Variants in NME1 observed in about 807,000 individuals in gnomAD.
NME1 encodes the protein nucleoside diphosphate kinase A.
NME1 carries 9 observed loss-of-function variants against 17.2 expected under a neutral mutation model. The ratio of observed to expected loss-of-function variants is 0.52; its 90% CI spans 0.32 to 0.92. NME1 has a LOEUF of 0.92. Among genes scored for constraint, NME1 ranks in the 40% least tolerant of loss-of-function variants. NME1 has a pLI of 0.04. For missense variants in NME1, 169 were observed against 201.7 expected (o/e 0.84, Z 0.98); for synonymous variants, 72 against 70.8 (o/e 1.02, Z -0.09).
intron 2 of NME1, among the ~76,000 whole-genome samples, chr17:51,157,652 C>G (rs2049806295): frequency 6.6e-6 from 1 of 152,134 alleles, no homozygotes; most frequent in Non-Finnish European, 1.5e-5. Context: ...AGTCTTCATG[C>G]CAGCCTTGAG....
At chr17:51,157,445 C>G (rs1383224812) in intron 2 of NME1, among the ~76,000 whole-genome samples, 3 of 152,162 alleles carry the variant, frequency 2.0e-5, no homozygotes, top group African/African-American at 7.2e-5. Context: ...AGACATTAAT[C>G]TGTTCATGAG....
intron 3 of NME1, chr17:51,160,367 A>G (rs2049847780): frequency 2.1e-6 from 1 of 476,340 alleles, no homozygotes; most frequent in Admixed American, 3.1e-5. Context: ...AGCCATGTAC[A>G]GAATCACAGT....
intron 2 of NME1, among the ~76,000 whole-genome samples, chr17:51,157,385 G>A (rs2049802640): frequency 6.6e-6 from 1 of 152,092 alleles, no homozygotes; most frequent in African/African-American, 2.4e-5. Context: ...GAGTGAGAGA[G>A]AGCAAGAGGG....
chr17:51,159,879 C>T (rs76403442), intron 2 of NME1, 101 bp from the exon 3 acceptor site: 88,530 of 1,386,936 alleles, frequency 0.064, 3,239 homozygotes, highest in Middle Eastern at 0.084. Flanking sequence ...TGAGCCCAAC[C>T]GCTCATGTTT....
rs1190110974 is a variant in NME1 at position 51,161,207 on chromosome 17, G to A, written c.276G>A (p.Gly92=). The change falls in exon 4 of 5, where the codon GGG becomes GGA. Residue 92 remains glycine, a synonymous_variant. Coordinates refer to ENST00000393196, the MANE Select transcript of NME1 (RefSeq NM_000269.3). ...TGAAGACGGGCCGAGTCATGCTCGG[G>A]GAGACCAACCCTGCAGACTCCAAGC... The part of the protein sequence containing the change: ...NVVKTGRVML[G]ETNPADSKPG... 3 of 1,613,086 alleles carry A rather than the reference G, an allele frequency of 1.9e-6. No individual in the cohort carries two copies. The highest frequency in any genetic ancestry group is 1.1e-5 in the South Asian group (1 of 90,716).
At chr17:51,155,392 C>G (rs35347299) in intron 1 of NME1, among the ~76,000 whole-genome samples, 32,739 of 152,030 alleles carry the variant, frequency 0.22, 3,808 homozygotes, top group African/African-American at 0.3. Flanking sequence ...CTAAAAAAAC[C>G]CCACAAAAAC....
At chr17:51,160,610 CT>C (rs1161137953) in intron 3 of NME1, 11,046 of 182,186 alleles carry the variant, frequency 0.061, 20 homozygotes, top group South Asian at 0.12. Flanking sequence ...CTTGGCATTT[CT>C]TTTTTTTTTT....
chr17:51,157,951 TA>T (rs1260824314), intron 2 of NME1, among the ~76,000 whole-genome samples: 1 of 151,974 alleles, frequency 6.6e-6, no homozygotes, highest in African/African-American at 2.4e-5. Context: ...CCCAAGCCCT[TA>T]AAAAAAGCCC....
Position 51,153,899 on chromosome 17 carries a change from T to C in NME1, c.-5+237T>C, listed in dbSNP as rs185549046. On this transcript the variant is annotated intron_variant, in intron 1 of 4. Coordinates refer to ENST00000393196, the MANE Select transcript of NME1 (RefSeq NM_000269.3). ...TCTCGTCAGGCCGCGACGACAGGGC[T>C]GTGCCTTATTTGTGTCTGTCGAGAG... The C allele has an allele frequency of 4.5e-3, 763 of 168,790 alleles. 3 individuals are homozygous for C. The highest frequency in any genetic ancestry group is 0.017 in the African/African-American group (718 of 41,770). 10.5% of individuals were successfully genotyped at this position (168,790 alleles called of 1,614,324 possible). A position where few individuals can be genotyped will look rare whatever the true frequency, so the allele number is the denominator to read the frequency against.
intron 3 of NME1, 114 bp from the exon 4 acceptor site, chr17:51,161,046 A>T: frequency 4.8e-6 from 5 of 1,034,310 alleles, no homozygotes; most frequent in Non-Finnish European, 7.4e-6. Flanking sequence ...TTGTTCAGTG[A>T]ATGAATATAA....
At chr17:51,156,989 G>A (rs1004712998) in intron 2 of NME1, among the ~76,000 whole-genome samples, 20 of 143,276 alleles carry the variant, frequency 1.4e-4, no homozygotes, top group African/African-American at 5.1e-4. Flanking sequence ...AACAGAGGGA[G>A]GGAGACTCTG....
At chr17:51,159,466 C>G (rs11650103) in intron 2 of NME1, among the ~76,000 whole-genome samples, 32,741 of 151,976 alleles carry the variant, frequency 0.22, 3,800 homozygotes, top group African/African-American at 0.3. Context: ...GCATGATGGC[C>G]GCCACCTGTA....
intron 4 of NME1, 101 bp from the exon 5 acceptor site, chr17:51,161,627 G>A: frequency 2.2e-6 from 2 of 920,136 alleles, no homozygotes; most frequent in South Asian, 2.6e-5. Context: ...TAATGTCCAT[G>A]GAGCTTCAGC....
At chr17:51,161,358 G>A (rs2049862465) in intron 4 of NME1, 86 bp downstream of exon 4, 1 of 1,207,528 alleles carries the variant, frequency 8.3e-7, no homozygotes, top group Admixed American at 2.0e-5. Flanking sequence ...AGGTAGACAT[G>A]ATACCATATG....
chr17:51,159,948 G>C (rs761505034), intron 2 of NME1, 32 bp from the exon 3 acceptor site: 2 of 1,611,772 alleles, frequency 1.2e-6, no homozygotes, highest in Non-Finnish European at 1.7e-6. Context: ...GATGGTTTGG[G>C]GGTTATTCTC....
chr17:51,159,839 G>T, intron 2 of NME1, 141 bp from the exon 3 acceptor site: 1 of 900,158 alleles, frequency 1.1e-6, no homozygotes, highest in East Asian at 2.6e-5. Flanking sequence ...CTTCCAGTGT[G>T]GAGAATGAAT....
At chr17:51,159,939 A>G in intron 2 of NME1, 41 bp from the exon 3 acceptor site, 1 of 1,610,192 alleles carries the variant, frequency 6.2e-7, no homozygotes, top group South Asian at 1.1e-5. Context: ...ATGTCCTTAG[A>G]TGGTTTGGGG....
rs775137997 is a variant in NME1 at position 51,155,733 on chromosome 17, C to T, written c.79C>T (p.Arg27Cys). 25 of 1,614,062 alleles carry T rather than the reference C, an allele frequency of 1.5e-5. No homozygotes were observed. The highest frequency in any genetic ancestry group is 2.2e-5 in the South Asian group (2 of 91,080). ...GGGTCTTGTGGGAGAGATTATCAAG[C>T]GTTTTGAGCAGAAAGGATTCCGCCT... ...QRGLVGEIIK[R>C]FEQKGFRLVG... Residue 27 changes from arginine (R) to cysteine (C), a missense_variant, in exon 2 of 5, where the codon CGT (arginine) becomes TGT (cysteine). Coordinates refer to ENST00000393196, the MANE Select transcript of NME1 (RefSeq NM_000269.3).
chr17:51,161,015 G>C, intron 3 of NME1, 145 bp from the exon 4 acceptor site: 1 of 848,238 alleles, frequency 1.2e-6, no homozygotes, highest in East Asian at 2.6e-5. Context: ...GCTGGAATAA[G>C]TGGATATACT....
Sources: gnomAD v4.1 joint callset for allele counts (sites outside exome capture counted in the v4.1 genomes callset) on GRCh38, gnomAD v4.1.1 for gene constraint, MANE v1.5 for transcripts, NCBI Gene and HGNC (gene_info 2026-07-23, HGNC 2026-07-21) for gene names.